Variants in GNG7 observed in about 807,000 individuals in gnomAD.
GNG7 encodes the protein guanine nucleotide-binding protein G(I)/G(S)/G(O) subunit gamma-7.
GNG7 carries 1 observed loss-of-function variant against 4.0 expected under a neutral mutation model. That is an observed-to-expected ratio of 0.25 (90% CI 0.09 to 1.18). GNG7 has a LOEUF of 1.18. Among genes scored for constraint, GNG7 ranks in the 50% most tolerant of loss-of-function variants. GNG7 has a pLI of 0.50. For synonymous variants in GNG7, 34 were observed against 36.9 expected, an observed-to-expected ratio of 0.92 and a Z score of 0.29; for missense variants, 86 against 91.9, an observed-to-expected ratio of 0.94 and a Z score of 0.26.
chr19:2,664,231 G>C (rs1329758836), intron 1 of GNG7, among the ~76,000 whole-genome samples: 1 of 152,206 alleles, frequency 6.6e-6, no homozygotes, highest in East Asian at 1.9e-4. Flanking sequence ...TTGGAGGCTG[G>C]ATATAGAAAC....
At chr19:2,668,566 C>T (rs570554582) in intron 1 of GNG7, among the ~76,000 whole-genome samples, 2 of 152,236 alleles carry the variant, frequency 1.3e-5, no homozygotes, top group South Asian at 2.1e-4. Context: ...AGGCCAATTT[C>T]GGCAGCATGG....
intron 2 of GNG7, among the ~76,000 whole-genome samples, chr19:2,622,712 G>A (rs1201692867): frequency 2.1e-5 from 3 of 146,060 alleles, no homozygotes; most frequent in African/African-American, 5.3e-5. Flanking sequence ...AACCCAATGC[G>A]AGCAACGCGG....
chr19:2,584,867 GGAGGGAGGGAGGGATA>G (rs1980611882), intron 2 of GNG7, among the ~76,000 whole-genome samples: 1 of 47,258 alleles, frequency 2.1e-5, no homozygotes, highest in Non-Finnish European at 3.5e-5. Context: ...AAGGAGGGAG[GGAGGGAGGGAGGGATA>G]GAGGGAGGGA....
chr19:2,574,631 C>G (rs369994950), intron 2 of GNG7, among the ~76,000 whole-genome samples: 1 of 152,176 alleles, frequency 6.6e-6, no homozygotes, highest in African/African-American at 2.4e-5. Context: ...CACTGATGGG[C>G]GCCTGGGGTG....
At chr19:2,518,247 C>CT (rs938761962) in intron 4 of GNG7, among the ~76,000 whole-genome samples, 3 of 151,776 alleles carry the variant, frequency 2.0e-5, no homozygotes, top group Non-Finnish European at 4.4e-5. Context: ...CCTGGCTCCC[C>CT]CCGAGGCCCG....
chr19:2,670,412 C>T (rs1032301625), intron 1 of GNG7, among the ~76,000 whole-genome samples: 5 of 152,208 alleles, frequency 3.3e-5, no homozygotes, highest in Middle Eastern at 3.2e-3. Context: ...CTGAGGCCTG[C>T]GCTCCCAGCG....
At chr19:2,582,489 ATT>A (rs577054566) in intron 2 of GNG7, among the ~76,000 whole-genome samples, 3 of 148,318 alleles carry the variant, frequency 2.0e-5, no homozygotes, top group African/African-American at 7.4e-5. Flanking sequence ...TTAAATGACA[ATT>A]TTTTTTTTTG....
intron 2 of GNG7, among the ~76,000 whole-genome samples, chr19:2,568,656 T>C (rs62646525): frequency 6.7e-6 from 1 of 148,922 alleles, no homozygotes; most frequent in African/African-American, 2.5e-5. Context: ...CAAATACACA[T>C]ATACACATAC....
intron 1 of GNG7, among the ~76,000 whole-genome samples, chr19:2,664,061 C>A (rs938625560): frequency 5.3e-5 from 8 of 152,202 alleles, no homozygotes; most frequent in Non-Finnish European, 1.2e-4. Flanking sequence ...GGCAGGACAG[C>A]CAGGGACCTG....
At chr19:2,686,927 AT>A (rs1568285144) in intron 1 of GNG7, among the ~76,000 whole-genome samples, 2 of 150,730 alleles carry the variant, frequency 1.3e-5, no homozygotes, top group Non-Finnish European at 1.5e-5. Context: ...AACTTTTTGT[AT>A]TTTTTAGTAG....
At chr19:2,680,904 G>A (rs184421563) in intron 1 of GNG7, among the ~76,000 whole-genome samples, 6 of 151,642 alleles carry the variant, frequency 4.0e-5, no homozygotes, top group African/African-American at 1.5e-4. Context: ...TCCCGAGCTC[G>A]CATGAGGGTC....
intron 2 of GNG7, among the ~76,000 whole-genome samples, chr19:2,579,567 A>C (rs1229788912): frequency 6.6e-6 from 1 of 152,200 alleles, no homozygotes; most frequent in African/African-American, 2.4e-5. Context: ...TTATGGTAAC[A>C]AGAGGAGGGA....
rs144383078 is a variant in GNG7 at position 2,633,947 on chromosome 19, C to G, written c.-78+12277G>C. Reference sequence around the variant, plus strand: ...GGCAGCCACAAATGTCTCCTGGGTGCAAAATTGCCCCGAGTTGAGACCCCC... The same window carrying G: ...GGCAGCCACAAATGTCTCCTGGGTGGAAAATTGCCCCGAGTTGAGACCCCC... On this transcript the variant is annotated intron_variant, in intron 2 of 4. Transcript: ENST00000382159. This position sits in a 1 kb window ranked among gnomAD's most constrained non-coding sequence, Gnocchi z 5.9. Among the ~76,000 whole-genome samples the G allele has an allele frequency of 1.8e-4, 28 of 152,162 alleles. No homozygotes were observed. The highest frequency in any genetic ancestry group is 6.3e-4 in the African/African-American group (26 of 41,536).
intron 2 of GNG7, among the ~76,000 whole-genome samples, chr19:2,562,862 C>A (rs1461866514): frequency 2.0e-5 from 3 of 152,188 alleles, no homozygotes; most frequent in African/African-American, 7.2e-5. Context: ...AGCTGCAGTC[C>A]CTCTGGTTTA....
chr19:2,527,794 G>A (rs942248501), intron 3 of GNG7, among the ~76,000 whole-genome samples: 3 of 146,592 alleles, frequency 2.0e-5, no homozygotes, highest in Non-Finnish European at 3.0e-5. Flanking sequence ...CCACCAGTGC[G>A]CCCACAGTCA....
intron 2 of GNG7, among the ~76,000 whole-genome samples, chr19:2,565,245 C>T (rs1218771828): frequency 1.3e-5 from 2 of 152,042 alleles, no homozygotes; most frequent in Non-Finnish European, 2.9e-5. Flanking sequence ...GGCGCGGTGG[C>T]TCACACCTGT....
At chr19:2,688,250 C>T in intron 1 of GNG7, among the ~76,000 whole-genome samples, 1 of 152,320 alleles carries the variant, frequency 6.6e-6, no homozygotes, top group South Asian at 2.1e-4. Context: ...GAGACTCCGT[C>T]TCAACAAAAG....
At chr19:2,528,502 CAA>C (rs398040841) in intron 3 of GNG7, among the ~76,000 whole-genome samples, 3,130 of 128,802 alleles carry the variant, frequency 0.024, 97 homozygotes, top group Admixed American at 0.077. Context: ...AGAATGGTCT[CAA>C]AAAAAAAAAA....
chr19:2,586,947 C>G (rs961249732), intron 2 of GNG7, among the ~76,000 whole-genome samples: 4 of 144,646 alleles, frequency 2.8e-5, no homozygotes, highest in Non-Finnish European at 6.0e-5. Flanking sequence ...ATTGTGCCAC[C>G]GCACTCCAGC....
Sources: gnomAD v4.1 joint callset for allele counts (sites outside exome capture counted in the v4.1 genomes callset) on GRCh38, gnomAD v4.1.1 for gene constraint, Gnocchi (gnomAD v3.1) non-coding constraint, MANE v1.5 for transcripts, NCBI Gene and HGNC (gene_info 2026-07-23, HGNC 2026-07-21) for gene names.